Variants in FMN1 observed in about 807,000 individuals in gnomAD.
The protein encoded by FMN1 is formin-1.
FMN1 carries 110 observed loss-of-function variants against 132.4 expected under a neutral mutation model. The ratio of observed to expected loss-of-function variants is 0.83; its 90% CI spans 0.71 to 0.97. The LOEUF (loss-of-function observed/expected upper bound fraction) is 0.97, where lower values mean the gene tolerates loss of function less well. Among genes scored for constraint, FMN1 ranks in the 50% least tolerant of loss-of-function variants. FMN1 has a pLI of 0.00. For synonymous variants in FMN1, 722 were observed against 651.7 expected, an observed-to-expected ratio of 1.11 and a Z score of -1.64; for missense variants, 1,792 against 1,705.3, an observed-to-expected ratio of 1.05 and a Z score of -0.90.
At chr15:33,007,656 G>C (rs752322549) in intron 7 of FMN1, among the ~76,000 whole-genome samples, 1 of 151,864 alleles carries the variant, frequency 6.6e-6, no homozygotes, top group South Asian at 2.1e-4. Context: ...ATGAACACCC[G>C]AACAAGAGGA....
chr15:32,900,203 T>G (rs2060262161), intron 13 of FMN1, 78 bp from the exon 14 acceptor site: 20 of 1,493,582 alleles, frequency 1.3e-5, no homozygotes, highest in Non-Finnish European at 1.9e-5. Flanking sequence ...ATATCGACTG[T>G]GTACTCAATA....
chr15:33,057,951 A>C (rs1458532204), intron 6 of FMN1, among the ~76,000 whole-genome samples: 1 of 115,192 alleles, frequency 8.7e-6, no homozygotes, highest in Non-Finnish European at 2.2e-5. Flanking sequence ...AAGCAGACTG[A>C]GCGGAAGGAA....
In FMN1 at chr15:32,928,963, A is replaced by G. The variant is rs201270054; in HGVS notation, c.3139-2702T>C. 3.3e-4 allele frequency among the ~76,000 whole-genome samples: 51 copies of G among 152,314 alleles called. No individual in the cohort carries two copies. In the East Asian group the frequency reaches 4.2e-3, roughly 13 times the overall value. ...ATTGATTCTGTCTGTCCCTGAGTAA[A>G]ATGAGGCAAATCTACCCCTCACCCC... On this transcript the variant is annotated intron_variant, in intron 9 of 20. Transcript: ENST00000616417.
chr15:33,166,745 T>G (rs1965123893), intron 3 of FMN1, among the ~76,000 whole-genome samples: 1 of 152,204 alleles, frequency 6.6e-6, no homozygotes, highest in Non-Finnish European at 1.5e-5. Context: ...CAGCGTTATT[T>G]CACGAAATCC....
At chr15:33,012,838 G>C (rs2034808175) in intron 6 of FMN1, 1 of 625,722 alleles carries the variant, frequency 1.6e-6, no homozygotes, top group Non-Finnish European at 3.0e-6. Flanking sequence ...TAGCAGTGGG[G>C]GTGGCTATAA....
intron 4 of FMN1, among the ~76,000 whole-genome samples, chr15:33,105,120 G>A (rs1485196617): frequency 2.0e-5 from 3 of 152,012 alleles, no homozygotes; most frequent in Non-Finnish European, 4.4e-5. Context: ...AGCAACCAAA[G>A]GGTTAATATT....
intron 12 of FMN1, among the ~76,000 whole-genome samples, chr15:32,907,166 A>G (rs1318300832): frequency 6.6e-6 from 1 of 152,060 alleles, no homozygotes; most frequent in East Asian, 1.9e-4. Flanking sequence ...TGATTCAAGC[A>G]CATTACATTT....
chr15:33,026,850 G>A (rs1263132677), intron 6 of FMN1, among the ~76,000 whole-genome samples: 1 of 152,098 alleles, frequency 6.6e-6, no homozygotes, highest in Non-Finnish European at 1.5e-5. Flanking sequence ...GGTTTCTAAG[G>A]GAGACAGGAC....
chr15:33,128,299 C>T (rs763440448), intron 4 of FMN1, among the ~76,000 whole-genome samples: 9 of 152,210 alleles, frequency 5.9e-5, no homozygotes, highest in Non-Finnish European at 1.3e-4. Flanking sequence ...TTGAACATGG[C>T]TGCTGACTAG....
At chr15:32,995,998 A>C (rs1242106688) in intron 7 of FMN1, among the ~76,000 whole-genome samples, 5 of 152,240 alleles carry the variant, frequency 3.3e-5, no homozygotes, top group Non-Finnish European at 7.3e-5. Flanking sequence ...CACATAGCTT[A>C]TATGGAACAA....
At chr15:33,047,672 G>A (rs1206039871) in intron 6 of FMN1, among the ~76,000 whole-genome samples, 1 of 152,144 alleles carries the variant, frequency 6.6e-6, no homozygotes, top group African/African-American at 2.4e-5. Flanking sequence ...AAGGGTATCA[G>A]GAAATGACTT....
intron 3 of FMN1, among the ~76,000 whole-genome samples, chr15:33,178,586 C>T (rs1965594794): frequency 6.6e-6 from 1 of 152,188 alleles, no homozygotes. Flanking sequence ...TAACCCCTAG[C>T]ACAGCTTTAG....
intron 19 of FMN1, among the ~76,000 whole-genome samples, chr15:32,785,220 T>TATATATATATA (rs1567163233): frequency 3.8e-5 from 1 of 26,232 alleles, no homozygotes; most frequent in African/African-American, 1.0e-4. Context: ...ATATATATAT[T>TATATATATATA]TTTTTTTTTT....
At chr15:33,038,652 T>G (rs2036291070) in intron 6 of FMN1, among the ~76,000 whole-genome samples, 1 of 152,140 alleles carries the variant, frequency 6.6e-6, no homozygotes, top group African/African-American at 2.4e-5. Context: ...AACAGGCGTG[T>G]TTTGTATTTT....
intron 2 of FMN1, among the ~76,000 whole-genome samples, chr15:33,190,934 G>T (rs984869206): frequency 6.6e-6 from 1 of 152,246 alleles, no homozygotes; most frequent in Admixed American, 6.5e-5. Flanking sequence ...ACTTTGGAAG[G>T]CCGAGGCAGG....
At chr15:32,876,091 TTTG>T (rs2059630214) in intron 16 of FMN1, among the ~76,000 whole-genome samples, 2 of 152,364 alleles carry the variant, frequency 1.3e-5, no homozygotes, top group Non-Finnish European at 2.9e-5. Context: ...TCAAGGATAC[TTTG>T]TTAATGAACT....
At chr15:33,042,109 A>G (rs2036468387) in intron 6 of FMN1, among the ~76,000 whole-genome samples, 1 of 152,198 alleles carries the variant, frequency 6.6e-6, no homozygotes, top group Non-Finnish European at 1.5e-5. Flanking sequence ...TAGAAACATA[A>G]AAATCAATTG....
chr15:33,144,533 G>A (rs1964136898), intron 4 of FMN1, among the ~76,000 whole-genome samples: 1 of 151,704 alleles, frequency 6.6e-6, no homozygotes, highest in Non-Finnish European at 1.5e-5. Flanking sequence ...GGCTACTCGG[G>A]AGGCTGAGGC....
intron 17 of FMN1, among the ~76,000 whole-genome samples, chr15:32,808,970 A>G (rs1037191949): frequency 1.3e-5 from 2 of 152,068 alleles, no homozygotes; most frequent in Non-Finnish European, 2.9e-5. Flanking sequence ...CTTTTCTACA[A>G]AAGGGTGGTT....
Sources: allele counts gnomAD v4.1 joint callset (sites outside exome capture counted in the v4.1 genomes callset), GRCh38; gene constraint gnomAD v4.1.1; transcripts MANE v1.5; gene names NCBI Gene and HGNC (gene_info 2026-07-23, HGNC 2026-07-21).